GRIK2: variants seen among roughly 807,000 people sequenced by gnomAD.
The protein encoded by GRIK2 is glutamate receptor ionotropic, kainate 2.
In GRIK2, 32 loss-of-function variants were observed where a neutral mutation model predicts 100.3. The observed-to-expected ratio is 0.32, with a 90% CI of 0.24 to 0.43. GRIK2 has a LOEUF of 0.43. Among genes scored for constraint, GRIK2 ranks in the 20% least tolerant of loss-of-function variants. GRIK2 has a pLI of 1.00. For synonymous variants in GRIK2, 417 were observed against 389.4 expected (o/e 1.07, Z -0.83); for missense variants, 843 against 1,114.9 (o/e 0.76, Z 3.47).
chr6:101,762,039 TCCTTC>T (rs1279306240), intron 7 of GRIK2, among the ~76,000 whole-genome samples: 2 of 105,438 alleles, frequency 1.9e-5, no homozygotes, highest in Admixed American at 8.6e-5. Flanking sequence ...TTGTTTCTTT[TCCTTC>T]CTTTCCTTCC....
intron 14 of GRIK2, among the ~76,000 whole-genome samples, chr6:101,998,647 G>A (rs796511496): frequency 4.2e-4 from 64 of 151,994 alleles, no homozygotes; most frequent in African/African-American, 1.5e-3. Flanking sequence ...TTAATTTTTT[G>A]TACACGATAA....
intron 2 of GRIK2, among the ~76,000 whole-genome samples, chr6:101,592,328 T>C (rs1778688695): frequency 6.6e-6 from 1 of 151,638 alleles, no homozygotes; most frequent in Admixed American, 6.6e-5. Context: ...ATTGGGCAAA[T>C]GGAATGCTCC....
At chr6:101,754,531 C>T (rs1447739416) in intron 7 of GRIK2, among the ~76,000 whole-genome samples, 1 of 152,140 alleles carries the variant, frequency 6.6e-6, no homozygotes, top group Non-Finnish European at 1.5e-5. Flanking sequence ...CCTATGCTAA[C>T]CAATCATAAT....
chr6:101,706,228 T>C (rs527665668), intron 7 of GRIK2, among the ~76,000 whole-genome samples: 2 of 151,904 alleles, frequency 1.3e-5, no homozygotes, highest in Non-Finnish European at 2.9e-5. Context: ...GCTATATACA[T>C]GATAGTTTAA....
At chr6:101,709,545 T>C (rs1340922762) in intron 7 of GRIK2, among the ~76,000 whole-genome samples, 1 of 151,848 alleles carries the variant, frequency 6.6e-6, no homozygotes, top group East Asian at 1.9e-4. Flanking sequence ...ATTTGTCATA[T>C]ATATGCATGT....
intron 14 of GRIK2, among the ~76,000 whole-genome samples, chr6:101,969,068 T>C (rs1348641438): frequency 6.6e-6 from 1 of 151,976 alleles, no homozygotes; most frequent in Non-Finnish European, 1.5e-5. Flanking sequence ...CTGAATAAAA[T>C]ATTTGCAAGC....
chr6:101,823,017 C>G (rs1289982489), intron 10 of GRIK2, among the ~76,000 whole-genome samples: 1 of 152,130 alleles, frequency 6.6e-6, no homozygotes, highest in Non-Finnish European at 1.5e-5. Context: ...CTTTGTGATG[C>G]CCTTAGAGAT....
chr6:101,762,873 G>A (rs1314471841), intron 7 of GRIK2, among the ~76,000 whole-genome samples: 1 of 152,154 alleles, frequency 6.6e-6, no homozygotes, highest in Admixed American at 6.5e-5. Context: ...AATATTTTCA[G>A]TACATTTTGG....
chr6:101,533,614 T>A (rs1582658958), intron 2 of GRIK2, among the ~76,000 whole-genome samples: 1 of 151,892 alleles, frequency 6.6e-6, no homozygotes, highest in African/African-American at 2.4e-5. Flanking sequence ...TTAAATGGTC[T>A]TTTGATGTAG....
chr6:101,411,024 A>T (rs1240233040), intron 2 of GRIK2, among the ~76,000 whole-genome samples: 3 of 152,018 alleles, frequency 2.0e-5, no homozygotes, highest in Non-Finnish European at 2.9e-5. Flanking sequence ...TGCAGAGCGG[A>T]TGTTGGAATA....
intron 8 of GRIK2, among the ~76,000 whole-genome samples, chr6:101,800,812 T>C (rs759787234): frequency 3.3e-5 from 5 of 152,052 alleles, no homozygotes; most frequent in Admixed American, 6.6e-5. Flanking sequence ...AGATGAAGAA[T>C]TGATTTTTCT....
chr6:102,066,836 A>T (rs1013794043), intron 16 of GRIK2, among the ~76,000 whole-genome samples: 2 of 151,748 alleles, frequency 1.3e-5, no homozygotes, highest in African/African-American at 4.8e-5. Context: ...GTGAACCTTT[A>T]CAGAAGAGTG....
At chr6:102,037,895 C>CTTCT (rs1245510558) in intron 15 of GRIK2, among the ~76,000 whole-genome samples, 1 of 151,310 alleles carries the variant, frequency 6.6e-6, no homozygotes, top group East Asian at 1.9e-4. Flanking sequence ...TGATGCACAA[C>CTTCT]TTCTTTGATA....
At chr6:101,782,817 C>G (rs1447518612) in intron 7 of GRIK2, among the ~76,000 whole-genome samples, 4 of 151,534 alleles carry the variant, frequency 2.6e-5, no homozygotes, top group African/African-American at 9.7e-5. Flanking sequence ...AATTTACATT[C>G]CCAGTGATAT....
intron 14 of GRIK2, among the ~76,000 whole-genome samples, chr6:101,970,797 A>G (rs1420910267): frequency 2.7e-5 from 4 of 150,112 alleles, no homozygotes; most frequent in African/African-American, 5.0e-5. Context: ...CTCTGCAGTT[A>G]AGTCCTGCCT....
At chr6:101,615,475 A>G (rs1404845187) in intron 2 of GRIK2, among the ~76,000 whole-genome samples, 1 of 151,766 alleles carries the variant, frequency 6.6e-6, no homozygotes, top group Non-Finnish European at 1.5e-5. Flanking sequence ...GTAAGTCTAG[A>G]AAGAGCACAA....
intron 14 of GRIK2, among the ~76,000 whole-genome samples, chr6:101,970,217 T>C (rs980700283): frequency 9.9e-5 from 15 of 151,786 alleles, no homozygotes; most frequent in Admixed American, 2.0e-4. Flanking sequence ...ATTTTTTTTT[T>C]TCTCTAGGAT....
At chr6:101,907,414 A>G (rs1352648204) in intron 12 of GRIK2, among the ~76,000 whole-genome samples, 1 of 151,630 alleles carries the variant, frequency 6.6e-6, no homozygotes, top group African/African-American at 2.4e-5. Flanking sequence ...TGAGCATATC[A>G]TTATTGGAAC....
intron 2 of GRIK2, among the ~76,000 whole-genome samples, chr6:101,536,857 A>T (rs1052664383): frequency 6.6e-6 from 1 of 151,744 alleles, no homozygotes; most frequent in African/African-American, 2.4e-5. Context: ...TCTAGTTTTA[A>T]TCAATGTCCC....
Sources: allele counts gnomAD v4.1 joint callset (sites outside exome capture counted in the v4.1 genomes callset), GRCh38; gene constraint gnomAD v4.1.1; transcripts MANE v1.5; gene names NCBI Gene and HGNC (gene_info 2026-07-23, HGNC 2026-07-21).